TTC28: variants seen among roughly 807,000 people sequenced by gnomAD.
TTC28 encodes the protein tetratricopeptide repeat protein 28.
TTC28 carries 61 observed loss-of-function variants against 198.0 expected under a neutral mutation model. The ratio of observed to expected loss-of-function variants is 0.31; its 90% CI spans 0.25 to 0.38. TTC28 has a LOEUF of 0.38. Among genes scored for constraint, TTC28 ranks in the 10% least tolerant of loss-of-function variants. The pLI, the probability that TTC28 is intolerant of heterozygous loss-of-function variation, is 1.00. For missense variants in TTC28, 2,678 were observed against 3,164.0 expected, an observed-to-expected ratio of 0.85 and a Z score of 3.69; for synonymous variants, 1,171 against 1,297.8, an observed-to-expected ratio of 0.90 and a Z score of 2.10.
intron 2 of TTC28, among the ~76,000 whole-genome samples, chr22:28,454,481 T>C (rs1568954031): frequency 6.6e-6 from 1 of 152,148 alleles, no homozygotes. Context: ...AGATATACTC[T>C]CCCAAGGAAT....
intron 5 of TTC28, among the ~76,000 whole-genome samples, chr22:28,230,515 C>T (rs1928721181): frequency 6.6e-6 from 1 of 152,132 alleles, no homozygotes; most frequent in African/African-American, 2.4e-5. Context: ...AGAAAACAAC[C>T]CTTTTATTCT....
intron 2 of TTC28, among the ~76,000 whole-genome samples, chr22:28,495,203 G>A (rs1292352711): frequency 6.6e-6 from 1 of 152,084 alleles, no homozygotes; most frequent in African/African-American, 2.4e-5. Context: ...TAAACAACAT[G>A]AGTTTTTAGA....
intron 6 of TTC28, among the ~76,000 whole-genome samples, chr22:28,109,421 G>A (rs1942421017): frequency 6.6e-6 from 1 of 152,162 alleles, no homozygotes; most frequent in Non-Finnish European, 1.5e-5. Flanking sequence ...GCTCTTGACG[G>A]GGTTATACAA....
chr22:28,390,587 C>G lies in TTC28; in HGVS notation c.382-83944G>C, dbSNP rs1217588288. Among the ~76,000 whole-genome samples, 8 of 152,160 alleles carry G rather than the reference C, an allele frequency of 5.3e-5. No homozygotes were observed. The East Asian group carries it at 1.5e-3, about 29-fold the overall frequency. On this transcript the variant is annotated intron_variant, in intron 2 of 22. Transcript: ENST00000397906. ...CCTTCTTGTTGAATTGATCCCTTTA[C>G]CATTATGTAATGGCCTTCTTTGTCT...
At chr22:28,316,123 A>G (rs554378326) in intron 2 of TTC28, among the ~76,000 whole-genome samples, 1 of 152,002 alleles carries the variant, frequency 6.6e-6, no homozygotes, top group Non-Finnish European at 1.5e-5. Flanking sequence ...TGTTCAGGGG[A>G]TGGAATTTTC....
At chr22:28,610,990 T>C (rs1357312247) in intron 2 of TTC28, among the ~76,000 whole-genome samples, 3 of 151,860 alleles carry the variant, frequency 2.0e-5, no homozygotes, top group Non-Finnish European at 4.4e-5. Flanking sequence ...AAGATCAACT[T>C]AATGAAATAA....
At chr22:28,625,789 A>T (rs906466601) in intron 2 of TTC28, among the ~76,000 whole-genome samples, 8 of 152,140 alleles carry the variant, frequency 5.3e-5, no homozygotes, top group African/African-American at 1.9e-4. Context: ...TAATAATCAG[A>T]CTTACCATAC....
At chr22:28,537,002 T>G (rs2049293762) in intron 2 of TTC28, among the ~76,000 whole-genome samples, 1 of 151,598 alleles carries the variant, frequency 6.6e-6, no homozygotes, top group Non-Finnish European at 1.5e-5. Context: ...GATGTAAGAA[T>G]AGACAAATTG....
intron 17 of TTC28, chr22:27,994,383 T>A (rs1017421955): frequency 1.3e-5 from 2 of 152,024 alleles, no homozygotes; most frequent in Admixed American, 1.3e-4. Context: ...CTCTGGGATG[T>A]TGGGTGCCCT....
intron 12 of TTC28, among the ~76,000 whole-genome samples, chr22:28,086,985 C>A (rs1941629504): frequency 6.6e-6 from 1 of 152,116 alleles, no homozygotes; most frequent in African/African-American, 2.4e-5. Context: ...TCTAAATAGA[C>A]CAATAACAGG....
intron 19 of TTC28, among the ~76,000 whole-genome samples, 177 bp from the exon 20 acceptor site, chr22:27,990,989 G>A (rs973930157): frequency 1.1e-4 from 16 of 152,104 alleles, no homozygotes; most frequent in African/African-American, 3.6e-4. Context: ...ACAGGAGAAC[G>A]GACAGCCACA....
In TTC28 at chr22:28,196,816, A is replaced by G. The variant is rs1268039619; in HGVS notation, c.934-33217T>C. Among the ~76,000 whole-genome samples, 10 of 152,208 alleles carry G rather than the reference A, an allele frequency of 6.6e-5. No homozygotes were observed. In the South Asian group the frequency reaches 1.2e-3, roughly 19 times the overall value. ...GGAGAAATAGGAACACTTTTACACT[A>G]TTGGTGGGACTGTAAACTAGTTCAA... On this transcript the variant is annotated intron_variant, in intron 5 of 22. Coordinates refer to ENST00000397906, the MANE Select transcript of TTC28 (RefSeq NM_001145418.2).
At chr22:28,321,137 T>C (rs1412543777) in intron 2 of TTC28, among the ~76,000 whole-genome samples, 2 of 152,202 alleles carry the variant, frequency 1.3e-5, no homozygotes, top group African/African-American at 4.8e-5. Context: ...AAACAGGCAT[T>C]GGCTGAGAAG....
At chr22:28,626,866 G>A (rs1235747996) in intron 2 of TTC28, among the ~76,000 whole-genome samples, 1 of 151,954 alleles carries the variant, frequency 6.6e-6, no homozygotes, top group African/African-American at 2.4e-5. Context: ...TCCTAAAAGG[G>A]TGATTATTTT....
chr22:28,260,062 C>T (rs1372741137), intron 5 of TTC28, among the ~76,000 whole-genome samples: 1 of 152,160 alleles, frequency 6.6e-6, no homozygotes, highest in African/African-American at 2.4e-5. Context: ...CTTGGATGAA[C>T]ACTTCAGAGA....
At chr22:28,676,723 TA>T (rs767914032) in intron 1 of TTC28, among the ~76,000 whole-genome samples, 9,527 of 121,230 alleles carry the variant, frequency 0.079, 649 homozygotes, top group African/African-American at 0.19. Flanking sequence ...TTATTAGAAA[TA>T]AAAAAAAAAA....
chr22:28,074,864 C>T (rs1001882002), intron 12 of TTC28, among the ~76,000 whole-genome samples: 2 of 152,194 alleles, frequency 1.3e-5, no homozygotes, highest in East Asian at 3.9e-4. Flanking sequence ...CTTTGGGAGG[C>T]CAAGGCAGGC....
intron 2 of TTC28, among the ~76,000 whole-genome samples, chr22:28,497,491 T>C (rs979103955): frequency 2.0e-5 from 3 of 152,270 alleles, no homozygotes; most frequent in Non-Finnish European, 2.9e-5. Context: ...AAAACTTTTT[T>C]AAAAACACGG....
intron 1 of TTC28, among the ~76,000 whole-genome samples, chr22:28,630,089 C>CCT (rs751181946): frequency 6.4e-4 from 97 of 151,578 alleles, no homozygotes; most frequent in Non-Finnish European, 9.1e-4. Flanking sequence ...GCCACTAGCC[C>CCT]CTCTCTCTCT....
Sources: gnomAD v4.1 joint callset for allele counts (sites outside exome capture counted in the v4.1 genomes callset) on GRCh38, gnomAD v4.1.1 for gene constraint, MANE v1.5 for transcripts, NCBI Gene and HGNC (gene_info 2026-07-23, HGNC 2026-07-21) for gene names.